The following SH3BP5 variants were observed in gnomAD, a reference collection of about 807,000 sequenced individuals.
The protein encoded by SH3BP5 is SH3 domain-binding protein 5.
Under a neutral mutation model 43.3 loss-of-function variants are expected in SH3BP5, and 22 were observed. The observed-to-expected ratio is 0.51, with a 90% confidence interval of 0.36 to 0.73. SH3BP5 has a LOEUF of 0.73. Ranked by LOEUF, SH3BP5 falls within the 30% of genes least tolerant of loss-of-function variation. The pLI, the probability that SH3BP5 is intolerant of heterozygous loss-of-function variation, is 0.00. For missense variants in SH3BP5, 529 were observed against 586.9 expected (o/e 0.90, Z 1.02); for synonymous variants, 255 against 225.8 (o/e 1.13, Z -1.16).
intron 3 of SH3BP5, among the ~76,000 whole-genome samples, chr3:15,286,600 T>A (rs1697272326): frequency 6.6e-6 from 1 of 152,224 alleles, no homozygotes; most frequent in Admixed American, 6.5e-5. Flanking sequence ...CAGGCTACAG[T>A]GCAGTGGCAG....
intron 6 of SH3BP5, chr3:15,259,424 CA>C (rs1696349323): frequency 3.8e-6 from 2 of 520,492 alleles, no homozygotes; most frequent in Admixed American, 6.4e-5. Context: ...AGACTCAGCT[CA>C]CTAGACTCCA....
chr3:15,265,460 G>A (rs1473230661), intron 4 of SH3BP5, among the ~76,000 whole-genome samples: 1 of 148,648 alleles, frequency 6.7e-6, no homozygotes, highest in Non-Finnish European at 1.5e-5. Flanking sequence ...AGGTTGCAAT[G>A]AGCCAAGATC....
At position 15,258,992 on chromosome 3, in the gene SH3BP5, T is replaced by TACTC; in HGVS notation, c.724_727dup (p.Tyr243Ter). The TACTC allele has an allele frequency of 6.2e-7, 1 of 1,614,256 alleles. No individual in the cohort carries two copies. Among genetic ancestry groups the TACTC allele is most frequent in the Non-Finnish European group, 8.5e-7 (1 of 1,180,044 alleles). On this transcript the variant is annotated stop_gained and frameshift_variant, in exon 7 of 9. Coordinates refer to ENST00000383791, the MANE Select transcript of SH3BP5 (RefSeq NM_004844.5). LOFTEE classifies it high-confidence loss of function. ...CTCCAGGTTCTTCAGGGCCATCTTG[T>TACTC]ACTCGCCTTTTGCCAGGGTCAGTTT...
intron 3 of SH3BP5, among the ~76,000 whole-genome samples, chr3:15,281,927 C>T (rs546018543): frequency 1.4e-4 from 22 of 152,220 alleles, no homozygotes; most frequent in African/African-American, 4.8e-4. Flanking sequence ...TTGCTTGAAC[C>T]TGGGAGGCGG....
intron 3 of SH3BP5, among the ~76,000 whole-genome samples, chr3:15,287,759 A>G (rs1697305119): frequency 6.6e-6 from 1 of 152,248 alleles, no homozygotes; most frequent in South Asian, 2.1e-4. Flanking sequence ...ATCAGAAATC[A>G]TGAGTAGAAC....
intron 2 of SH3BP5, among the ~76,000 whole-genome samples, chr3:15,313,081 TAAAAAATAAAAAAAATA>T (rs1195229948): frequency 2.0e-5 from 3 of 151,636 alleles, no homozygotes; most frequent in Admixed American, 2.0e-4. Flanking sequence ...CAGTCTCTAC[TAAAAAATAAAAAAAATA>T]AAAAAATAAA....
chr3:15,269,194 G>T (rs538194198), intron 4 of SH3BP5, among the ~76,000 whole-genome samples: 1 of 152,192 alleles, frequency 6.6e-6, no homozygotes, highest in Admixed American at 6.5e-5. Context: ...CACACAGTCC[G>T]CTTCCTCTGT....
chr3:15,271,422 G>A lies in SH3BP5; in HGVS notation c.331-1545C>T, dbSNP rs189781590. Among the ~76,000 whole-genome samples the A allele has an allele frequency of 1.0e-3, 159 of 152,186 alleles. 1 individual carries two copies. Among genetic ancestry groups the A allele is most frequent in the African/African-American group, 3.6e-3 (150 of 41,514 alleles). ...AGGCTGGGCACGGTGGCTCAAACCT[G>A]TAATCCCAGCACTTTGGGAGGCTGA... On this transcript the variant is annotated intron_variant, in intron 3 of 8. Transcript: ENST00000383791.
In SH3BP5 at chr3:15,269,762, C is replaced by A; in HGVS notation, c.446G>T (p.Arg149Leu). The change falls in exon 4 of 9, where the codon CGG becomes CTG. Residue 149 changes from arginine to leucine, a missense_variant. By Grantham distance (102) the Arg-to-Leu change is moderately radical. Transcript: ENST00000383791. ...CTCCTGCCAGGCGGAGTCGAACTGC[C>A]GCTTGTCATCCTCCAGCAGCCGCTG... ...AEQRLLEDDK[R>L]QFDSAWQEML... 1 of 1,612,042 alleles carries A rather than the reference C, an allele frequency of 6.2e-7. No individual in the cohort carries two copies. The highest frequency in any genetic ancestry group is 8.5e-7 in the Non-Finnish European group (1 of 1,178,734).
At chr3:15,259,147 T>G (rs932415358) in intron 6 of SH3BP5, 97 bp from the exon 7 acceptor site, 2 of 961,304 alleles carry the variant, frequency 2.1e-6, no homozygotes, top group Non-Finnish European at 3.2e-6. Context: ...CCCATCATTC[T>G]ACTTCAAGGA....
At chr3:15,313,591 C>T (rs1698113140) in intron 2 of SH3BP5, among the ~76,000 whole-genome samples, 1 of 152,242 alleles carries the variant, frequency 6.6e-6, no homozygotes, top group Admixed American at 6.5e-5. Context: ...CCAATCTATT[C>T]TCTAAGAGCA....
chr3:15,295,389 C>T (rs1697540118), intron 3 of SH3BP5, among the ~76,000 whole-genome samples: 1 of 152,216 alleles, frequency 6.6e-6, no homozygotes, highest in African/African-American at 2.4e-5. Context: ...GCCACCCTGC[C>T]TTCTTGTTTT....
chr3:15,330,430 A>G, intron 2 of SH3BP5, 74 bp downstream of exon 2: 1 of 1,258,886 alleles, frequency 7.9e-7, no homozygotes. Flanking sequence ...CCAGCTATGA[A>G]GACAAAATTA....
At chr3:15,327,590 C>A (rs1317206672) in intron 2 of SH3BP5, among the ~76,000 whole-genome samples, 2 of 152,240 alleles carry the variant, frequency 1.3e-5, no homozygotes, top group African/African-American at 4.8e-5. Flanking sequence ...CTCTGTCACA[C>A]TTCTTACTGT....
At chr3:15,256,455 G>A in intron 8 of SH3BP5, 152 bp from the exon 9 acceptor site, 1 of 748,718 alleles carries the variant, frequency 1.3e-6, no homozygotes, top group Non-Finnish European at 2.2e-6. Context: ...AAGTCCCACT[G>A]TTACCTACCG....
intron 3 of SH3BP5, among the ~76,000 whole-genome samples, chr3:15,276,952 A>ATTT (rs542303924): frequency 0.023 from 3,398 of 147,912 alleles, 110 homozygotes; most frequent in African/African-American, 0.077. Flanking sequence ...TTCATTCTAA[A>ATTT]TTTTTTTTTT....
At chr3:15,258,240 C>G (rs749441003) in intron 7 of SH3BP5, 1 of 152,210 alleles carries the variant, frequency 6.6e-6, no homozygotes, top group Non-Finnish European at 1.5e-5. Flanking sequence ...TCTTGATGAG[C>G]ATGACAGAAA....
chr3:15,305,920 T>C (rs1303691977), intron 2 of SH3BP5, among the ~76,000 whole-genome samples: 2 of 151,726 alleles, frequency 1.3e-5, no homozygotes, highest in Non-Finnish European at 2.9e-5. Context: ...ATTAAATAAG[T>C]TAGTCCCAGG....
At chr3:15,288,539 C>T (rs928887417) in intron 3 of SH3BP5, among the ~76,000 whole-genome samples, 2 of 152,184 alleles carry the variant, frequency 1.3e-5, no homozygotes, top group South Asian at 2.1e-4. Context: ...GAGTGGATCG[C>T]TTCAGCTCCG....
Sources: gnomAD v4.1 joint callset for allele counts (sites outside exome capture counted in the v4.1 genomes callset) on GRCh38, gnomAD v4.1.1 for gene constraint, MANE v1.5 for transcripts, NCBI Gene and HGNC (gene_info 2026-07-23, HGNC 2026-07-21) for gene names.